PCDHGA7: variants seen among roughly 807,000 people sequenced by gnomAD.
The protein encoded by PCDHGA7 is protocadherin gamma-A7.
PCDHGA7 carries 44 observed loss-of-function variants against 58.3 expected under a neutral mutation model. The ratio of observed to expected loss-of-function variants is 0.75; its 90% CI spans 0.59 to 0.97. The LOEUF (loss-of-function observed/expected upper bound fraction) is 0.97. Ranked by LOEUF, PCDHGA7 falls within the 50% of genes least tolerant of loss-of-function variation. The pLI, the probability that PCDHGA7 is intolerant of heterozygous loss-of-function variation, is 0.00. For synonymous variants in PCDHGA7, 516 were observed against 504.2 expected (o/e 1.02, Z -0.31); for missense variants, 1,266 against 1,188.7 (o/e 1.06, Z -0.96).
rs1333419586 is a variant in PCDHGA7 at position 141,485,206 on chromosome 5, C to T, written c.2425-9601C>T. 1 of 1,614,116 alleles carries T rather than the reference C, an allele frequency of 6.2e-7. No individual in the cohort carries two copies. The highest frequency in any genetic ancestry group is 8.5e-7 in the Non-Finnish European group (1 of 1,179,946). ...GCAAGGTGAGAAGCTGGACAGAAAT[C>T]TGGCGGTGGGCTACCCTTTTGTTCC... On this transcript the variant is annotated intron_variant, in intron 1 of 3. Coordinates refer to ENST00000518325, the MANE Select transcript of PCDHGA7 (RefSeq NM_018920.4). The surrounding 1 kb of genome is among the most constrained non-coding windows in gnomAD (Gnocchi z 5.7).
At chr5:141,404,773 C>T (rs753809742) in intron 1 of PCDHGA7, 1 of 1,613,856 alleles carries the variant, frequency 6.2e-7, no homozygotes, top group South Asian at 1.1e-5. Flanking sequence ...TCTCCTACCG[C>T]CTATTCAAGG....
intron 1 of PCDHGA7, among the ~76,000 whole-genome samples, chr5:141,462,877 T>G (rs1387501705): frequency 1.3e-5 from 2 of 152,240 alleles, no homozygotes; most frequent in African/African-American, 4.8e-5. Flanking sequence ...CTTTAAGAAC[T>G]ATTGCAGTTT....
chr5:141,505,249 G>T, intron 2 of PCDHGA7, 144 bp from the exon 3 acceptor site: 1 of 1,447,748 alleles, frequency 6.9e-7, no homozygotes, highest in Non-Finnish European at 9.2e-7. Flanking sequence ...GATTGTAGAA[G>T]TGCCTCCTAC....
chr5:141,441,927 G>A (rs2098285195), intron 1 of PCDHGA7: 2 of 354,242 alleles, frequency 5.6e-6, no homozygotes, highest in Non-Finnish European at 1.1e-5. Flanking sequence ...ACAATGCGTG[G>A]CTGTCCTACC....
At chr5:141,414,198 A>G (rs1561747621) in intron 1 of PCDHGA7, 2 of 1,611,542 alleles carry the variant, frequency 1.2e-6, no homozygotes, top group Non-Finnish European at 1.7e-6. Flanking sequence ...TGATTACAGT[A>G]GAAGATGTAA....
At chr5:141,409,752 A>T in intron 1 of PCDHGA7, 3 of 1,613,020 alleles carry the variant, frequency 1.9e-6, no homozygotes, top group Non-Finnish European at 2.5e-6. Context: ...GTGTTCGCGC[A>T]GCGCGCCTTT....
At position 141,383,093 on chromosome 5, in the gene PCDHGA7, G is replaced by A; in HGVS notation, c.194G>A (p.Arg65His). 6.2e-7 allele frequency: 1 copy of A among 1,613,930 alleles called. No homozygotes were observed. Among genetic ancestry groups the A allele is most frequent in the Non-Finnish European group, 8.5e-7 (1 of 1,179,892 alleles). The change falls in exon 1 of 4, where the codon CGC becomes CAC. Residue 65 changes from arginine to histidine, a missense_variant. By Grantham distance (29) the Arg-to-His change is conservative (BLOSUM62 0). Transcript: ENST00000518325. ...EPRELAERGV[R>H]IISRGRTQLF... The stretch of plus-strand genomic sequence containing the variant: ...CGGGAGCTGGCGGAGCGCGGAGTCC[G>A]CATCATCTCCAGAGGTAGGACGCAG...
intron 1 of PCDHGA7, chr5:141,441,988 A>G: frequency 3.7e-6 from 1 of 269,936 alleles, no homozygotes; most frequent in Non-Finnish European, 7.3e-6. Flanking sequence ...ATGCGCACCG[A>G]CGAGGTGCTG....
chr5:141,386,602 T>C (rs2090639414), intron 1 of PCDHGA7, among the ~76,000 whole-genome samples: 1 of 152,182 alleles, frequency 6.6e-6, no homozygotes, highest in African/African-American at 2.4e-5. Flanking sequence ...TACATTTTTT[T>C]TTTTTGACAT....
chr5:141,438,358 G>A (rs1160913890), intron 1 of PCDHGA7, among the ~76,000 whole-genome samples: 1 of 151,634 alleles, frequency 6.6e-6, no homozygotes. Context: ...TCTGTGTATT[G>A]TCATTGAGGG....
At chr5:141,405,339 A>G in intron 1 of PCDHGA7, 1 of 1,614,178 alleles carries the variant, frequency 6.2e-7, no homozygotes, top group Non-Finnish European at 8.5e-7. Context: ...GTCTCTGTTG[A>G]TTCCAAGTTT....
At chr5:141,391,618 TA>T (rs2092399304) in intron 1 of PCDHGA7, 3 of 152,366 alleles carry the variant, frequency 2.0e-5, no homozygotes, top group African/African-American at 7.2e-5. Flanking sequence ...TGAGTGGTTT[TA>T]AGAAAGTTTT....
In PCDHGA7 at chr5:141,477,116, G is replaced by A. The variant is rs771557201; in HGVS notation, c.2425-17691G>A. ...AGACAAGGGCGCCAATCCCGAAGGA[G>A]CACATTGCAAAGTGTTGGTGGAGGT... On this transcript the variant is annotated intron_variant, in intron 1 of 3. Transcript: ENST00000518325. This position sits in a 1 kb window ranked among gnomAD's most constrained non-coding sequence, Gnocchi z 4.9. 1 of 1,614,252 alleles carries A rather than the reference G, an allele frequency of 6.2e-7. No homozygotes were observed. The highest frequency in any genetic ancestry group is 8.5e-7 in the Non-Finnish European group (1 of 1,180,052).
chr5:141,388,391 T>C, intron 1 of PCDHGA7: 2 of 1,613,964 alleles, frequency 1.2e-6, no homozygotes, highest in Non-Finnish European at 1.7e-6. Flanking sequence ...CACTGCAGAA[T>C]TACCAACTCA....
intron 1 of PCDHGA7, chr5:141,421,898 A>T: frequency 6.2e-7 from 1 of 1,613,736 alleles, no homozygotes; most frequent in Non-Finnish European, 8.5e-7. Flanking sequence ...CCCATCCGAA[A>T]GGGCGCAGTT....
intron 1 of PCDHGA7, among the ~76,000 whole-genome samples, chr5:141,401,064 C>T (rs146303449): frequency 1.3e-5 from 2 of 152,226 alleles, no homozygotes; most frequent in East Asian, 3.9e-4. Flanking sequence ...TATATGTTGG[C>T]TGGGTGCAGT....
intron 1 of PCDHGA7, among the ~76,000 whole-genome samples, chr5:141,453,067 C>T (rs1227122711): frequency 1.3e-5 from 2 of 152,024 alleles, no homozygotes; most frequent in Admixed American, 6.6e-5. Flanking sequence ...AGAGTTTTGC[C>T]ACACTCTGGT....
In PCDHGA7 at chr5:141,511,335, A is replaced by T; in HGVS notation, c.*162A>T. 7.0e-7 allele frequency: 1 copy of T among 1,438,820 alleles called. No homozygotes were observed. The highest frequency in any genetic ancestry group is 9.2e-7 in the Non-Finnish European group (1 of 1,083,596). The allele number at this position is 1,438,820 out of a possible 1,614,324, so 89.1% of individuals were successfully genotyped here. A position where few individuals can be genotyped will look rare whatever the true frequency, so the allele number is the denominator to read the frequency against. On this transcript the variant is annotated 3_prime_UTR_variant, in exon 4 of 4. Coordinates refer to ENST00000518325, the MANE Select transcript of PCDHGA7 (RefSeq NM_018920.4). ...AAACAGAAACAAGTGCCCAGTCAGC[A>T]CCTACCCCTTCCCCCCCAGGGGGTT...
chr5:141,389,048 T>C, intron 1 of PCDHGA7: 1 of 1,613,976 alleles, frequency 6.2e-7, no homozygotes, highest in East Asian at 2.2e-5. Context: ...AAGGTGATGT[T>C]CCATTTAAAA....
Sources: gnomAD v4.1 joint callset for allele counts (sites outside exome capture counted in the v4.1 genomes callset) on GRCh38, gnomAD v4.1.1 for gene constraint, Gnocchi (gnomAD v3.1) non-coding constraint, MANE v1.5 for transcripts, NCBI Gene and HGNC (gene_info 2026-07-23, HGNC 2026-07-21) for gene names.